The following CIZ1 variants were observed in gnomAD, a reference collection of about 807,000 sequenced individuals.
CIZ1 encodes cip1-interacting zinc finger protein.
A neutral mutation model predicts 118.6 loss-of-function variants in CIZ1; 58 were observed. The observed-to-expected ratio is 0.49, with a 90% CI of 0.40 to 0.61. CIZ1 has a LOEUF of 0.61. CIZ1 is among the 20% of genes least tolerant of loss of function. CIZ1 has a pLI of 0.00. For missense variants in CIZ1, 921 were observed against 1,115.9 expected (o/e 0.83, Z 2.49); for synonymous variants, 448 against 443.4 (o/e 1.01, Z -0.13).
Position 128,169,075 on chromosome 9 carries a change from C to T in CIZ1, c.2272G>A (p.Val758Ile). 6.2e-7 allele frequency: 1 copy of T among 1,614,162 alleles called. No homozygotes were observed. The highest frequency in any genetic ancestry group is 1.1e-5 in the South Asian group (1 of 91,088). The change falls in exon 14 of 17, where the codon GTT (valine) becomes ATT (isoleucine). Residue 758 changes from valine to isoleucine, a missense_variant. Physicochemically the swap from Val to Ile is conservative, Grantham distance 29. Coordinates refer to ENST00000372938, the MANE Select transcript of CIZ1 (RefSeq NM_001131016.2). Reference protein sequence around the residue: ...EDDEDEEEIEVEEELCKQVRS... With the variant: ...EDDEDEEEIEIEEELCKQVRS... ...ACCTGCTTGCAGAGTTCCTCCTCAA[C>T]CTCGATCTCTTCTTCATCCTCATCA...
At chr9:128,193,315 G>C (rs1446572340), upstream of CIZ1, among the ~76,000 whole-genome samples, 1 of 152,154 alleles carries the variant, frequency 6.6e-6, no homozygotes, top group Non-Finnish European at 1.5e-5. Context: ...CTGGAGAAGG[G>C]TGTGAACCTC....
At chr9:128,173,135 CTTTTTTTTTTTTTTTT>C (rs957423189) in intron 11 of CIZ1, among the ~76,000 whole-genome samples, 1 of 80,790 alleles carries the variant, frequency 1.2e-5, no homozygotes, top group African/African-American at 5.4e-5. Flanking sequence ...TGGCTAATTT[CTTTTTTTTTTTTTTTT>C]TTTTTTTTTT....
chr9:128,182,543 C>T (rs1270885530), intron 5 of CIZ1, among the ~76,000 whole-genome samples: 2 of 152,152 alleles, frequency 1.3e-5, no homozygotes, highest in Admixed American at 1.3e-4. Flanking sequence ...TACGCCAAGC[C>T]TGAAAACACT....
At chr9:128,182,191 C>A (rs1831746313) in intron 5 of CIZ1, among the ~76,000 whole-genome samples, 1 of 152,150 alleles carries the variant, frequency 6.6e-6, no homozygotes, top group Non-Finnish European at 1.5e-5. Flanking sequence ...AATAACAGCG[C>A]AGCCCGACAT....
rs1486840066 is a variant in CIZ1, at chr9:128,203,783, T to TC, written c.-6+402dup. ...ACCCCCAGCCGGAGCGAGGAGGCCC[T>TC]CCCCCCACCACGAGAGCCCCTCGGG... On this transcript the variant is annotated intron_variant, in intron 1 of 17. Coordinates refer to the CIZ1 transcript ENST00000372948. This position sits in a 1 kb window ranked among gnomAD's most constrained non-coding sequence, Gnocchi z 5.3. The TC allele has an allele frequency of 1.7e-6, 1 of 580,962 alleles. No homozygotes were observed. The highest frequency in any genetic ancestry group is 3.0e-5 in the African/African-American group (1 of 33,426). 36.0% of individuals were successfully genotyped at this position (580,962 alleles called of 1,614,324 possible).
chr9:128,183,018 C>T (rs966862079), intron 5 of CIZ1, among the ~76,000 whole-genome samples: 2 of 152,156 alleles, frequency 1.3e-5, no homozygotes, highest in African/African-American at 4.8e-5. Context: ...AGGGCCAGGC[C>T]AGATGTATCA....
intron 4 of CIZ1, 76 bp from the exon 5 acceptor site, chr9:128,185,852 C>T (rs1832299850): frequency 2.0e-6 from 2 of 983,374 alleles, no homozygotes; most frequent in Non-Finnish European, 3.2e-6. Flanking sequence ...CATCAGTGCC[C>T]CAGAGCATCA....
chr9:128,179,863 G>T (rs1265410168), intron 7 of CIZ1, among the ~76,000 whole-genome samples: 1 of 151,746 alleles, frequency 6.6e-6, no homozygotes, highest in Non-Finnish European at 1.5e-5. Flanking sequence ...GTAGAGACGG[G>T]GTTTCTCCAT....
rs371780195 is a variant in CIZ1 at position 128,180,492 on chromosome 9, G to A, written c.714C>T (p.Ile238=). The A allele has an allele frequency of 3.1e-5, 50 of 1,613,962 alleles. No homozygotes were observed. In the Middle Eastern group the frequency reaches 9.9e-4, roughly 32 times the overall value. Residue 238 remains isoleucine, a synonymous_variant, in exon 7 of 17, where the codon ATC becomes ATT. Transcript: ENST00000372938. ...GTGCTGGAGTGCGTTTTTCCTTGGC[G>A]ATGTCCTCTGGGCAGGGCGGTAAAT... ...DQDLPPCPED[I]AKEKRTPAPE...
In CIZ1 at chr9:128,179,086, T is replaced by G. The variant is rs973120047; in HGVS notation, c.1121A>C (p.Gln374Pro). 1 of 1,613,782 alleles carries G rather than the reference T, an allele frequency of 6.2e-7. No homozygotes were observed. Among genetic ancestry groups the G allele is most frequent in the Non-Finnish European group, 8.5e-7 (1 of 1,179,834 alleles). Residue 374 changes from glutamine to proline, a missense_variant, in exon 8 of 17, where the codon CAG becomes CCG. Coordinates refer to ENST00000372938, the MANE Select transcript of CIZ1 (RefSeq NM_001131016.2). ...CTGTGGCTGTACCTGTGGCTGCACC[T>G]GCTTCTGTGGCTCTGCCTCCTGCTG... is the stretch of plus-strand genomic sequence containing the variant. ...QLQQEAEPQK[Q>P]VQPQVQPQAH...
rs1564270747 is a variant in CIZ1 at position 128,178,930 on chromosome 9, T to G, written c.1277A>C (p.Gln426Pro). 6.2e-7 allele frequency: 1 copy of G among 1,614,260 alleles called. No individual in the cohort carries two copies. Among genetic ancestry groups the G allele is most frequent in the Non-Finnish European group, 8.5e-7 (1 of 1,180,048 alleles). Reference sequence around the variant, plus strand: ...CTGTGGATATGTCTGTGTCTGGACCTGCTTCTGCAGCTGCAGCTGCACCTG... The same window carrying G: ...CTGTGGATATGTCTGTGTCTGGACCGGCTTCTGCAGCTGCAGCTGCACCTG... Reference protein sequence around the residue: ...PRQVQLQLQKQVQTQTYPQVH... With the variant: ...PRQVQLQLQKPVQTQTYPQVH... The change falls in exon 8 of 17, where the codon CAG (glutamine) becomes CCG (proline). Residue 426 changes from glutamine (Q) to proline (P), a missense_variant. Physicochemically the swap from Gln to Pro is moderately conservative, Grantham distance 76. Coordinates refer to ENST00000372938, the MANE Select transcript of CIZ1 (RefSeq NM_001131016.2).
chr9:128,179,359 G>T lies in CIZ1; in HGVS notation c.848C>A (p.Pro283Gln). ...TTTCGGTACTGTCATCCGGGCCTGC[G>T]GCTGGGCCTTCACCTGTAACTGCCC... ...PPGQLQVKAQ[P>Q]QARMTVPKQT... Residue 283 changes from proline to glutamine, a missense_variant, in exon 8 of 17, where the codon CCG (proline) becomes CAG (glutamine). Coordinates refer to ENST00000372938, the MANE Select transcript of CIZ1 (RefSeq NM_001131016.2). The T allele has an allele frequency of 6.2e-7, 1 of 1,613,850 alleles. No individual in the cohort carries two copies. Among genetic ancestry groups the T allele is most frequent in the South Asian group, 1.1e-5 (1 of 91,048 alleles).
Position 128,203,384 on chromosome 9 carries a change from G to T in CIZ1, c.-6+802C>A, listed in dbSNP as rs1009986649. The stretch of plus-strand genomic sequence containing the variant: ...GGGGGCCCCGCGGCGCAGGCAGTCT[G>T]GGCGCGCGGCTGCAGCGGCGGAGCC... On this transcript the variant is annotated intron_variant, in intron 1 of 17. Coordinates refer to the CIZ1 transcript ENST00000372948. The surrounding 1 kb of genome is among the most constrained non-coding windows in gnomAD (Gnocchi z 5.3). The T allele has an allele frequency of 3.5e-5, 44 of 1,270,692 alleles. No homozygotes were observed. Among genetic ancestry groups the T allele is most frequent in the Non-Finnish European group, 4.3e-5 (43 of 999,606 alleles). The allele number at this position is 1,270,692 out of a possible 1,614,324, so 78.7% of individuals were successfully genotyped here. A position where few individuals can be genotyped will look rare whatever the true frequency, so the allele number is the denominator to read the frequency against.
At chr9:128,170,754 G>A (rs552691018) in intron 11 of CIZ1, among the ~76,000 whole-genome samples, 2 of 152,310 alleles carry the variant, frequency 1.3e-5, no homozygotes, top group African/African-American at 4.8e-5. Flanking sequence ...GAGAAGAAAC[G>A]CCTTCTGCTT....
At chr9:128,185,930 C>A (rs1832307651) in intron 4 of CIZ1, among the ~76,000 whole-genome samples, 154 bp from the exon 5 acceptor site, 1 of 152,176 alleles carries the variant, frequency 6.6e-6, no homozygotes, top group Admixed American at 6.5e-5. Context: ...GAGATGAGAG[C>A]TGAGGCTCAG....
intron 5 of CIZ1, among the ~76,000 whole-genome samples, chr9:128,183,562 T>C (rs1355138460): frequency 6.6e-6 from 1 of 152,190 alleles, no homozygotes; most frequent in Non-Finnish European, 1.5e-5. Flanking sequence ...TGCGGAGACC[T>C]TCAGGGACAG....
chr9:128,168,018 C>T (rs1463641322), intron 14 of CIZ1, among the ~76,000 whole-genome samples: 4 of 152,208 alleles, frequency 2.6e-5, no homozygotes, highest in South Asian at 2.1e-4. Context: ...ACTGCAGGCC[C>T]CCCCACCACA....
chr9:128,179,908 G>A (rs1364691786), intron 7 of CIZ1, among the ~76,000 whole-genome samples: 1 of 151,170 alleles, frequency 6.6e-6, no homozygotes, highest in African/African-American at 2.4e-5. Flanking sequence ...CCAACCTCAG[G>A]TGATCCGCCC....
At chr9:128,176,234 G>T in intron 11 of CIZ1, 117 bp downstream of exon 11, 1 of 1,294,986 alleles carries the variant, frequency 7.7e-7, no homozygotes, top group Non-Finnish European at 1.1e-6. Context: ...GTGTGAGGAG[G>T]CCTGGCTGGG....
Sources: allele counts gnomAD v4.1 joint callset (sites outside exome capture counted in the v4.1 genomes callset), GRCh38; gene constraint gnomAD v4.1.1; non-coding constraint Gnocchi (gnomAD v3.1); transcripts MANE v1.5; gene names NCBI Gene and HGNC (gene_info 2026-07-23, HGNC 2026-07-21).